Variants in FBXO41 observed in about 807,000 individuals in gnomAD.
FBXO41 encodes the protein F-box protein 41.
In FBXO41, 33 loss-of-function variants were observed where a neutral mutation model predicts 81.6. The observed-to-expected ratio is 0.40, with a 90% CI of 0.31 to 0.54. The LOEUF is 0.54. Ranked by LOEUF, FBXO41 falls within the 20% of genes least tolerant of loss-of-function variation. The pLI is 0.39. For synonymous variants in FBXO41, 576 were observed against 552.7 expected, an observed-to-expected ratio of 1.04 and a Z score of -0.59; for missense variants, 1,107 against 1,236.0, an observed-to-expected ratio of 0.90 and a Z score of 1.56.
intron 1 of FBXO41, among the ~76,000 whole-genome samples, chr2:73,280,653 T>G (rs897486947): frequency 1.3e-5 from 2 of 152,218 alleles, no homozygotes; most frequent in Admixed American, 6.5e-5. Context: ...AATGCTACCT[T>G]TTCCATCAAG....
chr2:73,263,999 T>A lies in FBXO41; in HGVS notation c.1861A>T (p.Asn621Tyr), dbSNP rs1688127870. Reference protein sequence around the residue: ...CTQAHSLTLQNLKPRQRGKKE... With the variant: ...CTQAHSLTLQYLKPRQRGKKE... ...TTTCCCCGCTGCCGGGGCTTCAAGT[T>A]CTGCAGCGTCAGAGAGTGGGCCTGG... is the stretch of plus-strand genomic sequence containing the variant. Residue 621 changes from asparagine (N) to tyrosine (Y), a missense_variant, in exon 7 of 13, where the codon AAC becomes TAC. This residue lies in a region of FBXO41 where 336 missense variants were observed against 446.7 expected (regional missense o/e 0.75). Transcript: ENST00000520530. 6.2e-7 allele frequency: 1 copy of A among 1,605,306 alleles called. No individual in the cohort carries two copies. The highest frequency in any genetic ancestry group is 8.5e-7 in the Non-Finnish European group (1 of 1,175,724).
chr2:73,271,229 T>G, intron 1 of FBXO41: 1 of 293,906 alleles, frequency 3.4e-6, no homozygotes, highest in South Asian at 3.1e-5. Context: ...GTCTGTTCCT[T>G]TTGCCAGCCC....
In FBXO41 at chr2:73,259,346, C is replaced by T. The variant is rs767731502; in HGVS notation, c.2450-50G>A. On this transcript the variant is annotated intron_variant, in intron 11 of 12. Coordinates refer to ENST00000520530, the MANE Select transcript of FBXO41 (RefSeq NM_001371389.2). This position sits in a 1 kb window ranked among gnomAD's most constrained non-coding sequence, Gnocchi z 4.2. ...GGCGTGTTTGGCCTGGGCTGTGGAG[C>T]TGCCTCCTCTCCTCTCACTAATTAA... is the stretch of plus-strand genomic sequence containing the variant. 16 of 1,421,250 alleles carry T rather than the reference C, an allele frequency of 1.1e-5. No individual in the cohort carries two copies. 88.0% of individuals were successfully genotyped at this position (1,421,250 alleles called of 1,614,324 possible). A position where few individuals can be genotyped will look rare whatever the true frequency, so the allele number is the denominator to read the frequency against.
intron 1 of FBXO41, chr2:73,273,151 C>T (rs1456153709): frequency 6.6e-6 from 1 of 152,164 alleles, no homozygotes; most frequent in Non-Finnish European, 1.5e-5. Context: ...AGACCATGAC[C>T]TTAGTACCTA....
In FBXO41 at chr2:73,260,983, C is replaced by A. The variant is rs757870389; in HGVS notation, c.2172-125G>T. ...CCTCCAACAACCCAGCAGGTCAAGT[C>A]AGAGAACCAGGATCATCCCTGACTC... On this transcript the variant is annotated intron_variant, in intron 9 of 12. Coordinates refer to ENST00000520530, the MANE Select transcript of FBXO41 (RefSeq NM_001371389.2). This position sits in a 1 kb window ranked among gnomAD's most constrained non-coding sequence, Gnocchi z 5.0. 2 of 722,682 alleles carry A rather than the reference C, an allele frequency of 2.8e-6. No individual in the cohort carries two copies. Among genetic ancestry groups the A allele is most frequent in the South Asian group, 3.7e-5 (2 of 53,930 alleles). 44.8% of individuals were successfully genotyped at this position (722,682 alleles called of 1,614,324 possible).
At chr2:73,271,733 C>T (rs373619875) in intron 1 of FBXO41, among the ~76,000 whole-genome samples, 3 of 151,584 alleles carry the variant, frequency 2.0e-5, no homozygotes, top group South Asian at 2.1e-4. Flanking sequence ...GAAGTTCAAG[C>T]GATTCTCCTG....
intron 9 of FBXO41, among the ~76,000 whole-genome samples, chr2:73,261,723 G>T (rs2103855950): frequency 6.6e-6 from 1 of 152,226 alleles, no homozygotes. Context: ...TCCTTAGCAA[G>T]GCCCTTCCTG....
rs1464780313 is a variant in FBXO41 at position 73,269,442 on chromosome 2, C to T, written c.189G>A (p.Gly63=). The change falls in exon 2 of 13, where the codon GGG becomes GGA. Residue 63 remains glycine, a synonymous_variant. Transcript: ENST00000520530. The surrounding 1 kb of genome is among the most constrained non-coding windows in gnomAD (Gnocchi z 7.0). ...CGGCGGGCTCGGGAGCCAGCGGGAA[C>T]CCCGAGGCAGCGGCGGCGGCGGCCG... ...AAAAAAAAAS[G]FPLAPEPAAL... is the part of the protein sequence containing the mutation. The T allele has an allele frequency of 3.8e-6, 5 of 1,317,578 alleles. No individual in the cohort carries two copies. The highest frequency in any genetic ancestry group is 1.5e-5 in the African/African-American group (1 of 64,634). 81.6% of individuals were successfully genotyped at this position (1,317,578 alleles called of 1,614,324 possible). A position where few individuals can be genotyped will look rare whatever the true frequency, so the allele number is the denominator to read the frequency against.
At position 73,269,486 on chromosome 2, in the gene FBXO41, C is replaced by T. The variant is rs1261590436; in HGVS notation, c.145G>A (p.Asp49Asn). 52 of 1,294,732 alleles carry T rather than the reference C, an allele frequency of 4.0e-5. No individual in the cohort carries two copies. Among genetic ancestry groups the T allele is most frequent in the Non-Finnish European group, 5.0e-5 (51 of 1,015,918 alleles). 80.2% of individuals were successfully genotyped at this position (1,294,732 alleles called of 1,614,324 possible). Residue 49 changes from aspartate to asparagine, a missense_variant, in exon 2 of 13, where the codon GAC becomes AAC. Transcript: ENST00000520530. The surrounding 1 kb of genome is among the most constrained non-coding windows in gnomAD (Gnocchi z 7.0). Reference protein sequence around the residue: ...YILSKTNSICDGAAAAAAAAA... With the variant: ...YILSKTNSICNGAAAAAAAAA... ...GCGGCCGCGGCGGCGGCGGCGCCGT[C>T]GCAGATGCTGTTGGTCTTGGAGAGG...
At position 73,265,450 on chromosome 2, in the gene FBXO41, C is replaced by A; in HGVS notation, c.1396G>T (p.Ala466Ser). ...PPRSSGLRRQ[A>S]IQNWQRRPRR... Reference sequence around the variant, plus strand: ...GGTCTGCGCTGCCAGTTCTGGATGGCCTGGCGCCGCAGGCCTGAGCTGCGA... The same window carrying A: ...GGTCTGCGCTGCCAGTTCTGGATGGACTGGCGCCGCAGGCCTGAGCTGCGA... The change falls in exon 5 of 13, where the codon GCC becomes TCC. Residue 466 changes from alanine to serine, a missense_variant. This residue lies in a region of FBXO41 where 771 missense variants were observed against 789.2 expected (regional missense o/e 0.98). Coordinates refer to ENST00000520530, the MANE Select transcript of FBXO41 (RefSeq NM_001371389.2). 1 of 1,606,540 alleles carries A rather than the reference C, an allele frequency of 6.2e-7. No homozygotes were observed. The highest frequency in any genetic ancestry group is 8.5e-7 in the Non-Finnish European group (1 of 1,179,324).
In FBXO41 at chr2:73,269,605, C is replaced by T; in HGVS notation, c.26G>A (p.Arg9His). The stretch of plus-strand genomic sequence containing the variant: ...CTTGTGCTCCCCGCAGCGGGGGCAG[C>T]GGTACGGCAGGTCCAGCGAGGCCAT... MASLDLPYRCPRCGEHKRF... is the reference protein window; with the variant it reads MASLDLPYHCPRCGEHKRF... The change falls in exon 2 of 13, where the codon CGC becomes CAC. Residue 9 changes from arginine to histidine, a missense_variant. Around this residue, in one of 2 missense-constraint regions of FBXO41, gnomAD observed 771 missense variants for 789.2 expected, o/e 0.98. Coordinates refer to ENST00000520530, the MANE Select transcript of FBXO41 (RefSeq NM_001371389.2). The surrounding 1 kb of genome is among the most constrained non-coding windows in gnomAD (Gnocchi z 7.0). The T allele has an allele frequency of 7.7e-7, 1 of 1,303,012 alleles. No individual in the cohort carries two copies. The highest frequency in any genetic ancestry group is 9.8e-7 in the Non-Finnish European group (1 of 1,016,074). The allele number at this position is 1,303,012 out of a possible 1,614,324, so 80.7% of individuals were successfully genotyped here.
Position 73,258,978 on chromosome 2 carries a change from C to T in FBXO41, c.*4G>A, listed in dbSNP as rs761196272. The T allele has an allele frequency of 1.1e-5, 17 of 1,572,384 alleles. No homozygotes were observed. Among genetic ancestry groups the T allele is most frequent in the South Asian group, 5.8e-5 (5 of 85,536 alleles). On this transcript the variant is annotated 3_prime_UTR_variant, in exon 13 of 13. Coordinates refer to ENST00000520530, the MANE Select transcript of FBXO41 (RefSeq NM_001371389.2). ...GGCAGGGGCCCTGCCGCCCCCTACC[C>T]GGGTTAGCAGCCGCCTTCCACCTTG... is the stretch of plus-strand genomic sequence containing the variant.
At chr2:73,271,895 T>C (rs1688515580) in intron 1 of FBXO41, among the ~76,000 whole-genome samples, 1 of 152,212 alleles carries the variant, frequency 6.6e-6, no homozygotes. Flanking sequence ...CCTTTGAGTG[T>C]TGGGATTACA....
Position 73,254,769 on chromosome 2 carries a change from A to G in FBXO41, c.*4213T>C, listed in dbSNP as rs986388616. 5 of 152,588 alleles carry G rather than the reference A, an allele frequency of 3.3e-5. No individual in the cohort carries two copies. Among genetic ancestry groups the G allele is most frequent in the East Asian group, 1.9e-4 (1 of 5,168 alleles). The allele number at this position is 152,588 out of a possible 1,614,324, so 9.5% of individuals were successfully genotyped here. A position where few individuals can be genotyped will look rare whatever the true frequency, so the allele number is the denominator to read the frequency against. Reference sequence around the variant, plus strand: ...CATGTGAGTCCTTTTAAATACATACACTCAGGTACATTCAGCAAAGGGCAT... The same window carrying G: ...CATGTGAGTCCTTTTAAATACATACGCTCAGGTACATTCAGCAAAGGGCAT... On this transcript the variant is annotated 3_prime_UTR_variant, in exon 13 of 13. Transcript: ENST00000520530.
Position 73,259,099 on chromosome 2 carries a change from C to A in FBXO41, c.2566-55G>T. 2 of 1,609,214 alleles carry A rather than the reference C, an allele frequency of 1.2e-6. No individual in the cohort carries two copies. Among genetic ancestry groups the A allele is most frequent in the South Asian group, 2.2e-5 (2 of 90,612 alleles). On this transcript the variant is annotated intron_variant, in intron 12 of 12. Coordinates refer to ENST00000520530, the MANE Select transcript of FBXO41 (RefSeq NM_001371389.2). This position sits in a 1 kb window ranked among gnomAD's most constrained non-coding sequence, Gnocchi z 4.2. The stretch of plus-strand genomic sequence containing the variant: ...CTCCGTGCCAGGCAGGTGGGGCCCT[C>A]CTGCCACACTCACCCAGGTCACCAG...
chr2:73,281,098 G>T (rs1688834143), intron 1 of FBXO41, among the ~76,000 whole-genome samples: 4 of 152,134 alleles, frequency 2.6e-5, no homozygotes, highest in Admixed American at 2.6e-4. Context: ...TTAGGCTTAG[G>T]GCTTGTCTGC....
rs559828287 is a variant in FBXO41 at position 73,261,349 on chromosome 2, C to T, written c.2172-491G>A. ...CTGGGATTACAGGTGTGAGCCACTG[C>T]GCCCGGCCTTAAGTACTCTTGAACC... On this transcript the variant is annotated intron_variant, in intron 9 of 12. Transcript: ENST00000520530. Among the ~76,000 whole-genome samples, 6 of 152,228 alleles carry T rather than the reference C, an allele frequency of 3.9e-5. No homozygotes were observed. In the East Asian group the frequency reaches 5.8e-4, roughly 15 times the overall value.
rs971099738 is a variant in FBXO41, at chr2:73,275,967, A to G, written c.-138-6199T>C. 5.3e-5 allele frequency among the ~76,000 whole-genome samples: 8 copies of G among 150,274 alleles called. 1 individual carries two copies. Among genetic ancestry groups the G allele is most frequent in the African/African-American group, 2.0e-4 (8 of 40,306 alleles). ...AGGCCCAGCTAATTTTTGTATTTTT[A>G]GTAGAGGGGGGTTTCACCATGTTGG... On this transcript the variant is annotated intron_variant, in intron 1 of 12. Transcript: ENST00000520530.
intron 1 of FBXO41, among the ~76,000 whole-genome samples, chr2:73,272,478 C>T (rs551788670): frequency 3.7e-4 from 57 of 152,348 alleles, no homozygotes; most frequent in Admixed American, 1.9e-3. Flanking sequence ...AAGCCTGGGG[C>T]CTGACAGGTA....
Sources: allele counts gnomAD v4.1 joint callset (sites outside exome capture counted in the v4.1 genomes callset), GRCh38; gene constraint gnomAD v4.1.1; regional missense constraint gnomAD v4.1.1; non-coding constraint Gnocchi (gnomAD v3.1); transcripts MANE v1.5; gene names NCBI Gene and HGNC (gene_info 2026-07-23, HGNC 2026-07-21).